SLC4A10: variants seen among roughly 807,000 people sequenced by gnomAD.
SLC4A10 encodes the protein sodium-driven chloride bicarbonate exchanger.
Under a neutral mutation model 137.7 loss-of-function variants are expected in SLC4A10, and 42 were observed. The observed-to-expected ratio is 0.30, with a 90% CI of 0.24 to 0.39. SLC4A10 has a LOEUF of 0.39. Ranked by LOEUF, SLC4A10 falls within the 10% of genes least tolerant of loss-of-function variation. SLC4A10 has a pLI of 1.00. For missense variants in SLC4A10, 925 were observed against 1,355.0 expected, an observed-to-expected ratio of 0.68 and a Z score of 4.98; for synonymous variants, 474 against 464.1, an observed-to-expected ratio of 1.02 and a Z score of -0.27.
At chr2:161,666,759 T>C (rs565039770) in intron 1 of SLC4A10, among the ~76,000 whole-genome samples, 2 of 151,836 alleles carry the variant, frequency 1.3e-5, no homozygotes, top group African/African-American at 4.8e-5. Context: ...TTTCCAGAAG[T>C]CTATTGAAAT....
intron 1 of SLC4A10, among the ~76,000 whole-genome samples, chr2:161,636,433 T>C (rs2034403871): frequency 6.6e-6 from 1 of 152,160 alleles, no homozygotes; most frequent in Non-Finnish European, 1.5e-5. Flanking sequence ...TCATTCTTGT[T>C]GCCCGGGCTG....
At chr2:161,916,923 A>G (rs1190728432) in intron 15 of SLC4A10, among the ~76,000 whole-genome samples, 1 of 152,222 alleles carries the variant, frequency 6.6e-6, no homozygotes. Flanking sequence ...TCATTTATAT[A>G]CAATAAAATT....
chr2:161,710,960 A>C (rs2044228705), intron 1 of SLC4A10, among the ~76,000 whole-genome samples: 1 of 151,862 alleles, frequency 6.6e-6, no homozygotes, highest in Non-Finnish European at 1.5e-5. Flanking sequence ...TGCTACAATC[A>C]GTTTTAACTT....
chr2:161,671,942 G>A (rs1257442076), intron 1 of SLC4A10, among the ~76,000 whole-genome samples: 3 of 152,106 alleles, frequency 2.0e-5, no homozygotes, highest in East Asian at 1.9e-4. Flanking sequence ...GGTGATGAGA[G>A]GAAAGAACTG....
At chr2:161,658,259 C>T (rs2037818853) in intron 1 of SLC4A10, among the ~76,000 whole-genome samples, 1 of 152,008 alleles carries the variant, frequency 6.6e-6, no homozygotes, top group Non-Finnish European at 1.5e-5. Context: ...GAATATCAAC[C>T]CAGAGCAGAA....
intron 3 of SLC4A10, among the ~76,000 whole-genome samples, chr2:161,813,009 A>G (rs1433336808): frequency 6.6e-6 from 1 of 151,176 alleles, no homozygotes; most frequent in African/African-American, 2.4e-5. Context: ...ATTTCATCCT[A>G]TTTTCTTTAC....
intron 2 of SLC4A10, among the ~76,000 whole-genome samples, chr2:161,797,147 T>G (rs1374872214): frequency 6.6e-6 from 1 of 152,144 alleles, no homozygotes; most frequent in African/African-American, 2.4e-5. Context: ...ATAGTGAAAT[T>G]GCAAGCTTTG....
chr2:161,672,180 G>T (rs1411880781), intron 1 of SLC4A10, among the ~76,000 whole-genome samples: 1 of 152,100 alleles, frequency 6.6e-6, no homozygotes, highest in East Asian at 1.9e-4. Context: ...AAATGACATG[G>T]TCTAAACTGT....
intron 2 of SLC4A10, among the ~76,000 whole-genome samples, chr2:161,775,113 C>G (rs760284218): frequency 3.3e-5 from 5 of 151,788 alleles, no homozygotes; most frequent in Admixed American, 6.6e-5. Flanking sequence ...CTTTTAAAGG[C>G]CTAAATTATG....
rs1391457417 is a variant in SLC4A10 at position 161,956,970 on chromosome 2, T to C, written c.2542-19T>C. On this transcript the variant is annotated intron_variant, in intron 19 of 26. Transcript: ENST00000446997. ...TTATTGACACAGTTTCTTTCTCTCT[T>C]TCTTTCTTTTTTAAACAGAAAGGTT... The C allele has an allele frequency of 8.4e-6, 13 of 1,542,436 alleles. No homozygotes were observed. Among genetic ancestry groups the C allele is most frequent in the Non-Finnish European group, 1.1e-5 (13 of 1,144,318 alleles).
chr2:161,900,894 C>T lies in SLC4A10; in HGVS notation c.1342-17C>T, dbSNP rs1005662782. 9 of 1,503,732 alleles carry T rather than the reference C, an allele frequency of 6.0e-6. No individual in the cohort carries two copies. The highest frequency in any genetic ancestry group is 2.4e-5 in the Admixed American group (1 of 41,256). 93.1% of individuals were successfully genotyped at this position (1,503,732 alleles called of 1,614,324 possible). ...ATTAAAACAAAACAAAACACATGAA[C>T]AAAAAACTCTCCACAGGAGAAGAGG... On this transcript the variant is annotated splice_polypyrimidine_tract_variant and intron_variant, in intron 11 of 26. Transcript: ENST00000446997.
chr2:161,640,447 C>G (rs906493413), intron 1 of SLC4A10, among the ~76,000 whole-genome samples: 2 of 152,212 alleles, frequency 1.3e-5, no homozygotes, highest in Non-Finnish European at 1.5e-5. Context: ...AGATTGTATA[C>G]CAGTTTTCAC....
At chr2:161,792,385 C>T (rs1475804172) in intron 2 of SLC4A10, among the ~76,000 whole-genome samples, 1 of 152,056 alleles carries the variant, frequency 6.6e-6, no homozygotes, top group African/African-American at 2.4e-5. Flanking sequence ...ACCAAAGTCT[C>T]TTAATATTTA....
At chr2:161,895,064 TC>T (rs2063315456) in intron 11 of SLC4A10, among the ~76,000 whole-genome samples, 1 of 79,652 alleles carries the variant, frequency 1.3e-5, no homozygotes, top group African/African-American at 4.9e-5. Flanking sequence ...CCCTCCCCCC[TC>T]CCCCCACTCC....
intron 3 of SLC4A10, among the ~76,000 whole-genome samples, chr2:161,818,227 A>G (rs1357350079): frequency 3.3e-5 from 5 of 152,010 alleles, no homozygotes. Flanking sequence ...TAGGTATTTT[A>G]TTCTCTTTGA....
chr2:161,792,410 A>G (rs2054298389), intron 2 of SLC4A10, among the ~76,000 whole-genome samples: 1 of 152,164 alleles, frequency 6.6e-6, no homozygotes, highest in Admixed American at 6.6e-5. Context: ...ATAGATTTAT[A>G]TTAACACTAT....
intron 23 of SLC4A10, among the ~76,000 whole-genome samples, chr2:161,967,196 A>G (rs1369466484): frequency 6.6e-6 from 1 of 152,184 alleles, no homozygotes; most frequent in African/African-American, 2.4e-5. Context: ...TTCCTCCCAC[A>G]TCCCCAAAAT....
chr2:161,942,283 C>A (rs1426143077), intron 15 of SLC4A10, among the ~76,000 whole-genome samples: 1 of 152,008 alleles, frequency 6.6e-6, no homozygotes, highest in African/African-American at 2.4e-5. Flanking sequence ...TTTTGGAAAA[C>A]AAACTGTAAA....
chr2:161,809,741 G>GT (rs1005673531), intron 3 of SLC4A10, among the ~76,000 whole-genome samples: 8 of 152,018 alleles, frequency 5.3e-5, no homozygotes, highest in South Asian at 2.1e-4. Flanking sequence ...GTGTGTGTCT[G>GT]TTTTTTGTAC....
Sources: allele counts gnomAD v4.1 joint callset (sites outside exome capture counted in the v4.1 genomes callset), GRCh38; gene constraint gnomAD v4.1.1; transcripts MANE v1.5; gene names NCBI Gene and HGNC (gene_info 2026-07-23, HGNC 2026-07-21).